The following SOX6 variants were observed in gnomAD, a reference collection of about 807,000 sequenced individuals.
SOX6 encodes the protein SRY-box transcription factor 6.
SOX6 carries 11 observed loss-of-function variants against 97.8 expected under a neutral mutation model. That is an observed-to-expected ratio of 0.11 (90% CI 0.07 to 0.19). The LOEUF is 0.19. SOX6 is among the 10% of genes least tolerant of loss of function. The pLI, the probability that SOX6 is intolerant of heterozygous loss-of-function variation, is 1.00. For synonymous variants in SOX6, 360 were observed against 371.4 expected (o/e 0.97, Z 0.35); for missense variants, 810 against 1,039.5 (o/e 0.78, Z 3.04).
In SOX6 at chr11:16,002,490, A is replaced by G. The variant is rs1854433918; in HGVS notation, c.1732+12452T>C. 1.3e-5 allele frequency among the ~76,000 whole-genome samples: 2 copies of G among 152,118 alleles called. 1 individual carries two copies. The highest frequency in any genetic ancestry group is 2.9e-5 in the Non-Finnish European group (2 of 68,006). ...ACTACAGAATCCCAGGGCAGCTGGG[A>G]TAACTTATATTCTTTATTTTAATGA... On this transcript the variant is annotated intron_variant, in intron 13 of 15. Transcript: ENST00000683767.
At chr11:16,625,660 G>T (rs996215205) in intron 3 of SOX6, among the ~76,000 whole-genome samples, 4 of 152,090 alleles carry the variant, frequency 2.6e-5, no homozygotes, top group African/African-American at 9.7e-5. Flanking sequence ...GGGAAGGAAT[G>T]GGGGATAGGA....
rs1191221513 is a variant in SOX6, at chr11:16,132,330, G to A, written c.778-20407C>T. On this transcript the variant is annotated intron_variant, in intron 6 of 15. Coordinates refer to ENST00000683767, the MANE Select transcript of SOX6 (RefSeq NM_001367873.1). Reference sequence around the variant, plus strand: ...AGGAAGGAAGGAAGGAAGGAAGGAAGGAAAGAAAAAAGAAAGAAAGAAAGA... The same window carrying A: ...AGGAAGGAAGGAAGGAAGGAAGGAAAGAAAGAAAAAAGAAAGAAAGAAAGA... 2.0e-3 allele frequency among the ~76,000 whole-genome samples: 138 copies of A among 68,388 alleles called. 2 individuals carry two copies. Among genetic ancestry groups the A allele is most frequent in the Middle Eastern group, 7.2e-3 (1 of 138 alleles). The allele number at this position is 68,388 out of a possible 152,430, so 44.9% of individuals were successfully genotyped here.
chr11:16,139,538 C>T (rs1335717891), intron 6 of SOX6, among the ~76,000 whole-genome samples: 2 of 152,044 alleles, frequency 1.3e-5, no homozygotes, highest in African/African-American at 4.8e-5. Context: ...ACACAGGTTA[C>T]CCCTTCAAGC....
intron 3 of SOX6, chr11:16,315,720 A>C (rs912766469): frequency 6.6e-6 from 1 of 152,202 alleles, no homozygotes; most frequent in Non-Finnish European, 1.5e-5. Flanking sequence ...ATCCCCAGGA[A>C]GCTAGACAGT....
At chr11:16,157,669 G>T (rs1196739173) in intron 6 of SOX6, among the ~76,000 whole-genome samples, 1 of 151,842 alleles carries the variant, frequency 6.6e-6, no homozygotes, top group African/African-American at 2.4e-5. Flanking sequence ...GTCATAAAAG[G>T]TCCTTCAATA....
At position 16,062,103 on chromosome 11, in the gene SOX6, C is replaced by A. The variant is rs1847971462; in HGVS notation, c.1102-6202G>T. Among the ~76,000 whole-genome samples, 2 of 151,666 alleles carry A rather than the reference C, an allele frequency of 1.3e-5. 1 individual carries two copies. Reference sequence around the variant, plus strand: ...ATAATCAATCAACAGAATGAACAGACAATCTGCAGAAGGGGAGAATACTTT... The same window carrying A: ...ATAATCAATCAACAGAATGAACAGAAAATCTGCAGAAGGGGAGAATACTTT... On this transcript the variant is annotated intron_variant, in intron 9 of 15. Transcript: ENST00000683767.
intron 1 of SOX6, among the ~76,000 whole-genome samples, chr11:16,406,658 T>G (rs557613585): frequency 6.6e-6 from 1 of 152,164 alleles, no homozygotes; most frequent in Non-Finnish European, 1.5e-5. Flanking sequence ...AGTCTAGTCG[T>G]GAGGACAAAT....
At chr11:16,351,239 G>T (rs1856939598) in intron 1 of SOX6, among the ~76,000 whole-genome samples, 1 of 151,938 alleles carries the variant, frequency 6.6e-6, no homozygotes, top group Admixed American at 6.6e-5. Flanking sequence ...ACCACTGTCA[G>T]AATCATCAAG....
At chr11:16,145,723 C>G (rs1425518852) in intron 6 of SOX6, among the ~76,000 whole-genome samples, 2 of 152,072 alleles carry the variant, frequency 1.3e-5, no homozygotes, top group African/African-American at 4.8e-5. Flanking sequence ...AAACAGAGAA[C>G]CAAATCATGA....
rs557766924 is a variant in SOX6 at position 15,969,509 on chromosome 11, A to T, written c.*3300T>A. 100 of 152,306 alleles carry T rather than the reference A, an allele frequency of 6.6e-4. No homozygotes were observed. Among genetic ancestry groups the T allele is most frequent in the African/African-American group, 2.2e-3 (90 of 41,570 alleles). 9.4% of individuals were successfully genotyped at this position (152,306 alleles called of 1,614,324 possible). A position where few individuals can be genotyped will look rare whatever the true frequency, so the allele number is the denominator to read the frequency against. ...TCTGAACTGCATGAGAACCCTGGTG[A>T]AACGTTTTGCTGTCCCAGCTGCAGG... is the stretch of plus-strand genomic sequence containing the variant. On this transcript the variant is annotated 3_prime_UTR_variant, in exon 16 of 16. Coordinates refer to ENST00000683767, the MANE Select transcript of SOX6 (RefSeq NM_001367873.1).
At chr11:15,977,169 G>C (rs73417012) in intron 15 of SOX6, among the ~76,000 whole-genome samples, 15,690 of 151,842 alleles carry the variant, frequency 0.1, 2,604 homozygotes, top group African/African-American at 0.35. Context: ...CACTGTTGCT[G>C]TTTCTTCAAC....
At chr11:16,584,690 G>A (rs1339816213) in intron 4 of SOX6, among the ~76,000 whole-genome samples, 1 of 152,156 alleles carries the variant, frequency 6.6e-6, no homozygotes, top group African/African-American at 2.4e-5. Context: ...ATAATTCCTG[G>A]CCATGCTGGG....
intron 3 of SOX6, among the ~76,000 whole-genome samples, chr11:16,632,718 T>G (rs1189789955): frequency 6.6e-6 from 1 of 152,220 alleles, no homozygotes; most frequent in Non-Finnish European, 1.5e-5. Context: ...TCCTCGGCCC[T>G]CTTTGGCACA....
intron 9 of SOX6, among the ~76,000 whole-genome samples, chr11:16,078,994 A>G (rs1848416263): frequency 6.6e-6 from 1 of 152,190 alleles, no homozygotes; most frequent in Admixed American, 6.5e-5. Context: ...TAGGTCTTAT[A>G]TACCATGAAA....
chr11:16,574,877 T>C (rs1847968372), intron 4 of SOX6, among the ~76,000 whole-genome samples: 1 of 151,784 alleles, frequency 6.6e-6, no homozygotes, highest in South Asian at 2.1e-4. Context: ...TCATCTCTAC[T>C]AAAAATACAA....
At chr11:16,241,569 C>A (rs1426264873) in intron 3 of SOX6, among the ~76,000 whole-genome samples, 2 of 151,880 alleles carry the variant, frequency 1.3e-5, no homozygotes, top group Admixed American at 1.3e-4. Flanking sequence ...GTCCTATATT[C>A]TTTATTTTGG....
intron 4 of SOX6, among the ~76,000 whole-genome samples, chr11:16,192,255 T>C (rs1851652147): frequency 6.6e-6 from 1 of 152,232 alleles, no homozygotes. Context: ...TCTGTAAAAT[T>C]GCTACATTCA....
intron 1 of SOX6, among the ~76,000 whole-genome samples, chr11:16,454,336 C>G (rs544616328): frequency 6.6e-6 from 1 of 152,196 alleles, no homozygotes; most frequent in South Asian, 2.1e-4. Context: ...TCAGTAGCTT[C>G]TCTTGAACAC....
At chr11:16,121,169 A>G (rs765356548) in intron 6 of SOX6, among the ~76,000 whole-genome samples, 3 of 152,036 alleles carry the variant, frequency 2.0e-5, no homozygotes, top group Non-Finnish European at 4.4e-5. Flanking sequence ...AAAAGTAATT[A>G]CTTTATTTCT....
Sources: allele counts gnomAD v4.1 joint callset (sites outside exome capture counted in the v4.1 genomes callset), GRCh38; gene constraint gnomAD v4.1.1; transcripts MANE v1.5; gene names NCBI Gene and HGNC (gene_info 2026-07-23, HGNC 2026-07-21).